Variants in GRIK2 observed in about 807,000 individuals in gnomAD.
GRIK2 encodes the protein glutamate ionotropic receptor kainate type subunit 2.
A neutral mutation model predicts 100.3 loss-of-function variants in GRIK2; 32 were observed. The ratio of observed to expected loss-of-function variants is 0.32; its 90% confidence interval spans 0.24 to 0.43. GRIK2 has a LOEUF of 0.43. Among genes scored for constraint, GRIK2 ranks in the 20% least tolerant of loss-of-function variants. The pLI, the probability that GRIK2 is intolerant of heterozygous loss-of-function variation, is 1.00. For synonymous variants in GRIK2, 417 were observed against 389.4 expected, an observed-to-expected ratio of 1.07 and a Z score of -0.83; for missense variants, 843 against 1,114.9, an observed-to-expected ratio of 0.76 and a Z score of 3.47.
At position 102,025,913 on chromosome 6, in the gene GRIK2, C is replaced by T. The variant is rs572518525; in HGVS notation, c.2086-9428C>T. ...GAGTTTTAAACTAAAACTTTTGTGC[C>T]TCTAAGTCTCCTCACCTGAAAAGGC... On this transcript the variant is annotated intron_variant, in intron 14 of 16. Coordinates refer to ENST00000369134, the MANE Select transcript of GRIK2 (RefSeq NM_021956.5). Among the ~76,000 whole-genome samples, 5 of 150,502 alleles carry T rather than the reference C, an allele frequency of 3.3e-5. No homozygotes were observed. In the South Asian group the frequency reaches 8.3e-4, roughly 25 times the overall value.
intron 7 of GRIK2, among the ~76,000 whole-genome samples, chr6:101,764,489 G>A (rs1777923909): frequency 1.3e-5 from 2 of 152,080 alleles, no homozygotes; most frequent in South Asian, 4.1e-4. Context: ...GTGCTCTGAA[G>A]AAAAGCAAGG....
rs1562397420 is a variant in GRIK2 at position 101,799,627 on chromosome 6, TC to T, written c.952-18del. On this transcript the variant is annotated intron_variant, in intron 7 of 16. Coordinates refer to ENST00000369134, the MANE Select transcript of GRIK2 (RefSeq NM_021956.5). ...CTACAAGTTATATTGACTATAAATT[TC>T]CCTTTCCCTTGCTTTTCAGACTGAT... The T allele has an allele frequency of 6.2e-7, 1 of 1,603,712 alleles. No homozygotes were observed. Among genetic ancestry groups the T allele is most frequent in the Non-Finnish European group, 8.5e-7 (1 of 1,170,780 alleles).
At chr6:101,928,921 T>G (rs1790083772) in intron 14 of GRIK2, among the ~76,000 whole-genome samples, 1 of 152,190 alleles carries the variant, frequency 6.6e-6, no homozygotes, top group Non-Finnish European at 1.5e-5. Flanking sequence ...TCTTTTTGAA[T>G]AAAACAAAAT....
intron 2 of GRIK2, among the ~76,000 whole-genome samples, chr6:101,479,319 A>T (rs1454934997): frequency 6.6e-6 from 1 of 152,158 alleles, no homozygotes; most frequent in East Asian, 1.9e-4. Flanking sequence ...TATTTGTTAG[A>T]TGGTTATATC....
At chr6:101,976,426 G>A (rs1045313851) in intron 14 of GRIK2, among the ~76,000 whole-genome samples, 2 of 151,958 alleles carry the variant, frequency 1.3e-5, no homozygotes, top group Admixed American at 1.3e-4. Context: ...TCTGGGTGTG[G>A]TGGCTCATGC....
chr6:101,771,536 T>A (rs903791337), intron 7 of GRIK2, among the ~76,000 whole-genome samples: 2 of 151,430 alleles, frequency 1.3e-5, no homozygotes, highest in Admixed American at 6.6e-5. Flanking sequence ...TATTATTATT[T>A]TTTATTATTA....
At chr6:101,627,614 T>C in intron 4 of GRIK2, among the ~76,000 whole-genome samples, 1 of 152,164 alleles carries the variant, frequency 6.6e-6, no homozygotes, top group African/African-American at 2.4e-5. Flanking sequence ...ACAAACTTTA[T>C]AAGGCATGTT....
intron 7 of GRIK2, among the ~76,000 whole-genome samples, chr6:101,792,967 A>G (rs1457287650): frequency 6.6e-6 from 1 of 151,914 alleles, no homozygotes; most frequent in East Asian, 1.9e-4. Flanking sequence ...TTCATCTTCC[A>G]TCACTGATAC....
In GRIK2 at chr6:101,433,658, T is replaced by C. The variant is rs527474676; in HGVS notation, c.115+34266T>C. ...TATTCTTTTTTTTTCTTACTTATTG[T>C]TTTAACTGTATTTTCTTTATGCTGA... is the stretch of plus-strand genomic sequence containing the variant. On this transcript the variant is annotated intron_variant, in intron 2 of 16. Transcript: ENST00000369134. 1.3e-5 allele frequency among the ~76,000 whole-genome samples: 2 copies of C among 152,290 alleles called. 1 individual carries two copies. Among genetic ancestry groups the C allele is most frequent in the South Asian group, 4.1e-4 (2 of 4,826 alleles).
chr6:101,809,223 A>AGT (rs1781184313), intron 9 of GRIK2, among the ~76,000 whole-genome samples: 1 of 151,980 alleles, frequency 6.6e-6, no homozygotes, highest in South Asian at 2.1e-4. Flanking sequence ...TTGATAATAT[A>AGT]TGAGGAGGAT....
chr6:102,003,770 A>G (rs1193069438), intron 14 of GRIK2, among the ~76,000 whole-genome samples: 9 of 151,726 alleles, frequency 5.9e-5, no homozygotes, highest in East Asian at 1.9e-4. Flanking sequence ...GTGAAAACCA[A>G]TAAGTATCTA....
At chr6:101,723,143 TGTC>T (rs1204419412) in intron 7 of GRIK2, among the ~76,000 whole-genome samples, 1 of 152,082 alleles carries the variant, frequency 6.6e-6, no homozygotes, top group Non-Finnish European at 1.5e-5. Context: ...GAGTCAGTAT[TGTC>T]GTCTTCAAAT....
intron 4 of GRIK2, among the ~76,000 whole-genome samples, chr6:101,675,419 T>C (rs1770762198): frequency 6.6e-6 from 1 of 152,144 alleles, no homozygotes; most frequent in Non-Finnish European, 1.5e-5. Flanking sequence ...TTGATGAAGG[T>C]AGTTTTTCAG....
At chr6:101,408,351 T>G (rs565427053) in intron 2 of GRIK2, among the ~76,000 whole-genome samples, 1 of 150,718 alleles carries the variant, frequency 6.6e-6, no homozygotes, top group South Asian at 2.1e-4. Flanking sequence ...AAAACACACA[T>G]ACACACATGC....
chr6:101,795,944 T>C (rs904267158), intron 7 of GRIK2, among the ~76,000 whole-genome samples: 1 of 152,234 alleles, frequency 6.6e-6, no homozygotes, highest in Non-Finnish European at 1.5e-5. Context: ...CTTTTCTTAT[T>C]TTGCAGTGCA....
intron 7 of GRIK2, among the ~76,000 whole-genome samples, chr6:101,743,906 G>A (rs1776209518): frequency 6.6e-6 from 1 of 151,992 alleles, no homozygotes; most frequent in Non-Finnish European, 1.5e-5. Flanking sequence ...AGATTTTGGT[G>A]CATCCATTAC....
chr6:101,663,421 G>A (rs1419606577), intron 4 of GRIK2, among the ~76,000 whole-genome samples: 6 of 152,266 alleles, frequency 3.9e-5, no homozygotes, highest in Non-Finnish European at 8.8e-5. Context: ...CCTGTGAAGT[G>A]GCCATCAGAA....
intron 2 of GRIK2, among the ~76,000 whole-genome samples, chr6:101,581,942 A>T (rs1366003756): frequency 6.6e-6 from 1 of 152,100 alleles, no homozygotes. Context: ...CTTGAATTAT[A>T]ATAATCCCCA....
chr6:101,562,238 G>A (rs1200688558), intron 2 of GRIK2, among the ~76,000 whole-genome samples: 1 of 152,026 alleles, frequency 6.6e-6, no homozygotes, highest in African/African-American at 2.4e-5. Flanking sequence ...AACTTTAGGG[G>A]AGCTTTTATC....
Sources: gnomAD v4.1 joint callset for allele counts (sites outside exome capture counted in the v4.1 genomes callset) on GRCh38, gnomAD v4.1.1 for gene constraint, MANE v1.5 for transcripts, NCBI Gene and HGNC (gene_info 2026-07-23, HGNC 2026-07-21) for gene names.